Variants in CDK2AP1 observed in about 807,000 individuals in gnomAD.
The protein encoded by CDK2AP1 is cyclin dependent kinase 2 associated protein 1, also known as cyclin-dependent kinase 2-associated protein 1.
A neutral mutation model predicts 14.1 loss-of-function variants in CDK2AP1; 10 were observed. That is an observed-to-expected ratio of 0.71 (90% confidence interval 0.44 to 1.20). CDK2AP1 has a LOEUF of 1.20. Ranked by LOEUF, CDK2AP1 falls within the 50% of genes most tolerant of loss-of-function variation. CDK2AP1 has a pLI of 0.00. For missense variants in CDK2AP1, 102 were observed against 149.9 expected (o/e 0.68, Z 1.67); for synonymous variants, 59 against 59.8 (o/e 0.99, Z 0.06).
At position 123,261,739 on chromosome 12, in the gene CDK2AP1, G is replaced by A. The variant is rs1177893694; in HGVS notation, c.345C>T (p.Ser115=). ...TCCTTCAAAACCAACAAGGCAGCTA[G>A]GATCTGGCATTCCGTTCCGTTTCTG... ...CLAETERNAR[S] is the part of the protein sequence containing the mutation. Residue 115 remains serine, a synonymous_variant, in exon 4 of 4, where the codon TCC becomes TCT. Coordinates refer to ENST00000261692, the MANE Select transcript of CDK2AP1 (RefSeq NM_004642.4). 11 of 1,613,002 alleles carry A rather than the reference G, an allele frequency of 6.8e-6. No homozygotes were observed. Among genetic ancestry groups the A allele is most frequent in the African/African-American group, 1.3e-5 (1 of 74,910 alleles).
At chr12:123,267,621 C>T (rs765233193) in intron 1 of CDK2AP1, 3 of 282,228 alleles carry the variant, frequency 1.1e-5, no homozygotes, top group Non-Finnish European at 2.1e-5. Context: ...GTGTCCTGGT[C>T]CCCAGAGGCT....
chr12:123,267,040 A>G, intron 2 of CDK2AP1, 145 bp downstream of exon 2: 1 of 651,530 alleles, frequency 1.5e-6, no homozygotes, highest in South Asian at 1.7e-5. Context: ...TGTTCTGAGC[A>G]GGAGCGCAGC....
chr12:123,262,216 C>T (rs572374231), intron 3 of CDK2AP1: 50 of 164,774 alleles, frequency 3.0e-4, no homozygotes, highest in African/African-American at 9.1e-4. Flanking sequence ...CAGCTGCACA[C>T]GTGAGGGCGC....
chr12:123,269,761 C>A (rs1440378991), intron 1 of CDK2AP1, among the ~76,000 whole-genome samples: 1 of 152,166 alleles, frequency 6.6e-6, no homozygotes, highest in Non-Finnish European at 1.5e-5. Flanking sequence ...AACCCGTGAA[C>A]AGGAGGCAGG....
At chr12:123,270,231 G>A (rs2048341666) in intron 1 of CDK2AP1, 3 of 982,990 alleles carry the variant, frequency 3.1e-6, no homozygotes, top group East Asian at 1.1e-4. Flanking sequence ...AGGTGAGAAT[G>A]TTTGAGAAAA....
intron 3 of CDK2AP1, chr12:123,262,035 T>C (rs2048237982): frequency 2.3e-6 from 1 of 428,840 alleles, no homozygotes. Context: ...TAAACATTTT[T>C]TCCTGCATTC....
rs771075248 is a variant in CDK2AP1 at position 123,265,161 on chromosome 12, T to A, written c.280+35A>T. The A allele has an allele frequency of 6.2e-7, 1 of 1,613,672 alleles. No individual in the cohort carries two copies. The highest frequency in any genetic ancestry group is 8.5e-7 in the Non-Finnish European group (1 of 1,179,782). ...CTTTCCAGAGTTAAAGGTCTAGCAC[T>A]GTGGTCACCGACAGGGCAGCGGGGC... On this transcript the variant is annotated intron_variant, in intron 3 of 3. Transcript: ENST00000261692. The surrounding 1 kb of genome is among the most constrained non-coding windows in gnomAD (Gnocchi z 5.3).
rs2048284976 is a variant in CDK2AP1 at position 123,265,852 on chromosome 12, C to G, written c.154-530G>C. On this transcript the variant is annotated intron_variant, in intron 2 of 3. Coordinates refer to ENST00000261692, the MANE Select transcript of CDK2AP1 (RefSeq NM_004642.4). This position sits in a 1 kb window ranked among gnomAD's most constrained non-coding sequence, Gnocchi z 5.3. ...GGATGGGAGGGCACATCCCAGGTGC[C>G]AAGCCTCCAAGCCAGTGGGGAGACA... is the stretch of plus-strand genomic sequence containing the variant. Among the ~76,000 whole-genome samples the G allele has an allele frequency of 6.6e-6, 1 of 152,172 alleles. No individual in the cohort carries two copies.
At chr12:123,272,047 C>G (rs987308930), upstream of CDK2AP1, 15 of 149,378 alleles carry the variant, frequency 1.0e-4, no homozygotes, top group African/African-American at 3.6e-4. Context: ...CCCGGCGCCC[C>G]GGGGGTGTGC....
intron 1 of CDK2AP1, chr12:123,270,870 G>A (rs2048347490): frequency 4.1e-6 from 4 of 985,208 alleles, no homozygotes; most frequent in Non-Finnish European, 4.8e-6. Context: ...CGCCAACTTC[G>A]TTCACTCCGC....
intron 1 of CDK2AP1, chr12:123,271,117 C>T: frequency 6.7e-6 from 5 of 750,202 alleles, no homozygotes; most frequent in Non-Finnish European, 8.1e-6. Context: ...GCAGCGCCCC[C>T]CGCCCGGGCT....
Position 123,265,727 on chromosome 12 carries a change from C to A in CDK2AP1, c.154-405G>T, listed in dbSNP as rs773633180. On this transcript the variant is annotated intron_variant, in intron 2 of 3. Transcript: ENST00000261692. This position sits in a 1 kb window ranked among gnomAD's most constrained non-coding sequence, Gnocchi z 5.3. Reference sequence around the variant, plus strand: ...CACACACTCAGGGAGGCCACCCAGTCGTCTCCAGGAAGCAACTTTATTATC... The same window carrying A: ...CACACACTCAGGGAGGCCACCCAGTAGTCTCCAGGAAGCAACTTTATTATC... Among the ~76,000 whole-genome samples, 1 of 152,128 alleles carries A rather than the reference C, an allele frequency of 6.6e-6. No homozygotes were observed. The highest frequency in any genetic ancestry group is 1.5e-5 in the Non-Finnish European group (1 of 68,024).
At chr12:123,262,183 G>A (rs190943042) in intron 3 of CDK2AP1, 123 of 179,560 alleles carry the variant, frequency 6.9e-4, no homozygotes, top group African/African-American at 2.8e-3. Context: ...CTTGACCGGC[G>A]TAAGTAAGCA....
intron 3 of CDK2AP1, among the ~76,000 whole-genome samples, chr12:123,264,329 A>G (rs944145983): frequency 2.6e-5 from 4 of 151,392 alleles, no homozygotes; most frequent in East Asian, 3.9e-4. Context: ...GTGTGGTGGC[A>G]CATGCCTGTA....
intron 1 of CDK2AP1, among the ~76,000 whole-genome samples, 167 bp downstream of exon 1, chr12:123,271,397 G>A (rs1353855026): frequency 6.8e-6 from 1 of 146,786 alleles, no homozygotes; most frequent in Non-Finnish European, 1.5e-5. Context: ...GAGAACTTTC[G>A]CGGCGCGGGC....
chr12:123,270,779 C>A (rs2048346737), intron 1 of CDK2AP1: 1 of 956,244 alleles, frequency 1.0e-6, no homozygotes, highest in Non-Finnish European at 1.2e-6. Context: ...CCAGGGCCAG[C>A]CCTTGGGGGC....
intron 1 of CDK2AP1, among the ~76,000 whole-genome samples, chr12:123,270,610 C>T (rs1372324479): frequency 6.6e-6 from 1 of 152,166 alleles, no homozygotes; most frequent in Non-Finnish European, 1.5e-5. Flanking sequence ...CTACGAATCC[C>T]TCAATGTTGT....
rs564016654 is a variant in CDK2AP1, at chr12:123,263,485, A to G, written c.281-1682T>C. Reference sequence around the variant, plus strand: ...TGGGTGACTGCAAATTACCTGTTGGACTCTGGGACCCAGCATCTTCCCAGG... The same window carrying G: ...TGGGTGACTGCAAATTACCTGTTGGGCTCTGGGACCCAGCATCTTCCCAGG... On this transcript the variant is annotated intron_variant, in intron 3 of 3. Coordinates refer to ENST00000261692, the MANE Select transcript of CDK2AP1 (RefSeq NM_004642.4). Among the ~76,000 whole-genome samples the G allele has an allele frequency of 1.4e-4, 22 of 152,150 alleles. 1 individual carries two copies. In the East Asian group the frequency reaches 4.3e-3, roughly 29 times the overall value.
Position 123,261,721 on chromosome 12 carries a change from A to G in CDK2AP1, c.*15T>C. 6.2e-7 allele frequency: 1 copy of G among 1,609,106 alleles called. No homozygotes were observed. Among genetic ancestry groups the G allele is most frequent in the Non-Finnish European group, 8.5e-7 (1 of 1,175,422 alleles). ...CTTGTAAAAAGATGGAAATCCTTCAAAACCAACAAGGCAGCTAGGATCTGG... is the reference window on the plus strand; with the variant it reads ...CTTGTAAAAAGATGGAAATCCTTCAGAACCAACAAGGCAGCTAGGATCTGG... On this transcript the variant is annotated 3_prime_UTR_variant, in exon 4 of 4. Coordinates refer to ENST00000261692, the MANE Select transcript of CDK2AP1 (RefSeq NM_004642.4).
Sources: gnomAD v4.1 joint callset for allele counts (sites outside exome capture counted in the v4.1 genomes callset) on GRCh38, gnomAD v4.1.1 for gene constraint, Gnocchi (gnomAD v3.1) non-coding constraint, MANE v1.5 for transcripts, NCBI Gene and HGNC (gene_info 2026-07-23, HGNC 2026-07-21) for gene names.